Variants in INPP5A observed in about 807,000 individuals in gnomAD.
INPP5A encodes the protein 43 kDa inositol polyphosphate 5-phophatase.
Under a neutral mutation model 65.2 loss-of-function variants are expected in INPP5A, and 14 were observed. The ratio of observed to expected loss-of-function variants is 0.21; its 90% CI spans 0.14 to 0.34. INPP5A has a LOEUF of 0.34. Among genes scored for constraint, INPP5A ranks in the 10% least tolerant of loss-of-function variants. The probability of loss-of-function intolerance (pLI) is 1.00; values close to 1 mark genes in which losing one functional copy is unlikely to be tolerated. For missense variants in INPP5A, 431 were observed against 545.6 expected (o/e 0.79, Z 2.09); for synonymous variants, 207 against 208.3 (o/e 0.99, Z 0.05).
intron 8 of INPP5A, among the ~76,000 whole-genome samples, chr10:132,717,177 G>A (rs980844708): frequency 6.6e-6 from 1 of 152,248 alleles, no homozygotes; most frequent in Non-Finnish European, 1.5e-5. Flanking sequence ...GAGGGAGGGA[G>A]GGAAGGTGAG....
intron 1 of INPP5A, among the ~76,000 whole-genome samples, chr10:132,553,451 A>C (rs1027039855): frequency 5.5e-5 from 8 of 146,632 alleles, no homozygotes; most frequent in African/African-American, 2.0e-4. Context: ...GCCTTCTCAG[A>C]GCCTTGGTGG....
At position 132,712,419 on chromosome 10, in the gene INPP5A, ATATG is replaced by A. The variant is rs982315324; in HGVS notation, c.647+1965_647+1968del. Among the ~76,000 whole-genome samples, 103 of 144,378 alleles carry A rather than the reference ATATG, an allele frequency of 7.1e-4. No homozygotes were observed. In the East Asian group the frequency reaches 0.02, roughly 28 times the overall value. The allele number at this position is 144,378 out of a possible 152,430, so 94.7% of individuals were successfully genotyped here. A position where few individuals can be genotyped will look rare whatever the true frequency, so the allele number is the denominator to read the frequency against. On this transcript the variant is annotated intron_variant, in intron 8 of 15. Coordinates refer to ENST00000368594, the MANE Select transcript of INPP5A (RefSeq NM_005539.5). Reference sequence around the variant, plus strand: ...CATGTGTGGGTGCACGAGTGCATACATATGTGTGTGCACGCGTGTGTGGGTGTGT... The same window carrying A: ...CATGTGTGGGTGCACGAGTGCATACATGTGTGCACGCGTGTGTGGGTGTGT...
intron 1 of INPP5A, among the ~76,000 whole-genome samples, chr10:132,585,625 G>T (rs1463601717): frequency 1.3e-5 from 2 of 152,318 alleles, no homozygotes; most frequent in African/African-American, 4.8e-5. Flanking sequence ...CTCCACAATG[G>T]TGAGAAGCAT....
chr10:132,719,847 T>A (rs1055924978), intron 8 of INPP5A, among the ~76,000 whole-genome samples: 21 of 151,078 alleles, frequency 1.4e-4, no homozygotes, highest in Non-Finnish European at 2.2e-4. Context: ...TTCAGGGTTC[T>A]GTGGTACCTC....
chr10:132,569,581 C>A (rs1382713941), intron 1 of INPP5A, among the ~76,000 whole-genome samples: 1 of 152,230 alleles, frequency 6.6e-6, no homozygotes, highest in African/African-American at 2.4e-5. Context: ...TGGTCTCGAA[C>A]TCCTGAGTGC....
At chr10:132,633,151 G>A (rs1029791274) in intron 2 of INPP5A, among the ~76,000 whole-genome samples, 2 of 152,152 alleles carry the variant, frequency 1.3e-5, no homozygotes, top group African/African-American at 4.8e-5. Context: ...GCTGCCTTTT[G>A]TGGTGGTGCT....
chr10:132,719,918 T>C (rs1178115588), intron 8 of INPP5A, among the ~76,000 whole-genome samples: 2 of 149,744 alleles, frequency 1.3e-5, no homozygotes, highest in African/African-American at 4.9e-5. Flanking sequence ...GGGTTCTGTC[T>C]GGGCACCTTA....
At position 132,706,070 on chromosome 10, in the gene INPP5A, C is replaced by A. The variant is rs1248948414; in HGVS notation, c.475-2243C>A. On this transcript the variant is annotated intron_variant, in intron 6 of 15. Coordinates refer to ENST00000368594, the MANE Select transcript of INPP5A (RefSeq NM_005539.5). This position sits in a 1 kb window ranked among gnomAD's most constrained non-coding sequence, Gnocchi z 4.7. ...AAGAAAAGGGAATATGAAGAGGAGCCTGTAGAAACATTAAACATTCTGCAT... is the reference window on the plus strand; with the variant it reads ...AAGAAAAGGGAATATGAAGAGGAGCATGTAGAAACATTAAACATTCTGCAT... Among the ~76,000 whole-genome samples, 1 of 152,152 alleles carries A rather than the reference C, an allele frequency of 6.6e-6. No individual in the cohort carries two copies. The highest frequency in any genetic ancestry group is 1.5e-5 in the Non-Finnish European group (1 of 68,028).
intron 1 of INPP5A, among the ~76,000 whole-genome samples, chr10:132,542,664 C>T (rs761414247): frequency 7.2e-5 from 11 of 152,202 alleles, no homozygotes; most frequent in Non-Finnish European, 1.0e-4. Context: ...GGGCTGGGTG[C>T]GGGTTGTACC....
At chr10:132,743,342 GC>G (rs777867837) in intron 9 of INPP5A, among the ~76,000 whole-genome samples, 9 of 143,176 alleles carry the variant, frequency 6.3e-5, no homozygotes, top group Non-Finnish European at 4.6e-5. Flanking sequence ...CAGGGACCGG[GC>G]CCGGGAGTGA....
At chr10:132,710,734 G>C (rs995484734) in intron 8 of INPP5A, among the ~76,000 whole-genome samples, 1 of 151,006 alleles carries the variant, frequency 6.6e-6, no homozygotes, top group African/African-American at 2.4e-5. Flanking sequence ...GGTGTGAGTG[G>C]AGAGGTAGGT....
Position 132,575,492 on chromosome 10 carries a change from C to T in INPP5A, c.76-32423C>T, listed in dbSNP as rs1480467173. On this transcript the variant is annotated intron_variant, in intron 1 of 15. Coordinates refer to ENST00000368594, the MANE Select transcript of INPP5A (RefSeq NM_005539.5). This position sits in a 1 kb window ranked among gnomAD's most constrained non-coding sequence, Gnocchi z 5.4. Reference sequence around the variant, plus strand: ...AACATCATAAAATTAGTAACCAAACCGATCTAACCACATTCACAATCATTT... The same window carrying T: ...AACATCATAAAATTAGTAACCAAACTGATCTAACCACATTCACAATCATTT... Among the ~76,000 whole-genome samples, 4 of 152,252 alleles carry T rather than the reference C, an allele frequency of 2.6e-5. No individual in the cohort carries two copies. The highest frequency in any genetic ancestry group is 3.9e-4 in the East Asian group (2 of 5,174).
intron 3 of INPP5A, among the ~76,000 whole-genome samples, chr10:132,646,351 ATCC>A (rs1205578969): frequency 6.6e-6 from 1 of 152,124 alleles, no homozygotes; most frequent in African/African-American, 2.4e-5. Flanking sequence ...GGGAGCGTCT[ATCC>A]TCCTTGGGGG....
At chr10:132,583,865 T>C (rs955999025) in intron 1 of INPP5A, among the ~76,000 whole-genome samples, 1 of 152,182 alleles carries the variant, frequency 6.6e-6, no homozygotes, top group Non-Finnish European at 1.5e-5. Flanking sequence ...GCGGATAGCT[T>C]GAGCCCAGGA....
At chr10:132,613,928 C>T (rs982419771) in intron 2 of INPP5A, among the ~76,000 whole-genome samples, 2 of 152,150 alleles carry the variant, frequency 1.3e-5, no homozygotes, top group East Asian at 3.8e-4. Flanking sequence ...TTCAAAATAG[C>T]CTTGAAGAAG....
intron 9 of INPP5A, among the ~76,000 whole-genome samples, chr10:132,748,708 T>C (rs1449287731): frequency 5.9e-5 from 9 of 152,366 alleles, no homozygotes; most frequent in East Asian, 1.9e-4. Flanking sequence ...AGCTCAGCCA[T>C]GCAGTGTGGG....
At chr10:132,734,462 G>A (rs1846141401) in intron 9 of INPP5A, among the ~76,000 whole-genome samples, 1 of 152,260 alleles carries the variant, frequency 6.6e-6, no homozygotes, top group South Asian at 2.1e-4. Flanking sequence ...CATGGCCTGG[G>A]CAGAGTGCGG....
chr10:132,582,060 C>T (rs1000990319), intron 1 of INPP5A, among the ~76,000 whole-genome samples: 7 of 152,020 alleles, frequency 4.6e-5, no homozygotes, highest in South Asian at 2.1e-4. Context: ...AGGATGGTTT[C>T]GATCTCCTGA....
chr10:132,661,207 A>G (rs560140602), intron 4 of INPP5A, among the ~76,000 whole-genome samples: 1 of 152,374 alleles, frequency 6.6e-6, no homozygotes, highest in African/African-American at 2.4e-5. Context: ...TTGATGCTTG[A>G]GATCAACTTT....
Sources: gnomAD v4.1 joint callset for allele counts (sites outside exome capture counted in the v4.1 genomes callset) on GRCh38, gnomAD v4.1.1 for gene constraint, Gnocchi (gnomAD v3.1) non-coding constraint, MANE v1.5 for transcripts, NCBI Gene and HGNC (gene_info 2026-07-23, HGNC 2026-07-21) for gene names.